The following ANO4 variants were observed in gnomAD, a reference collection of about 807,000 sequenced individuals.
The protein encoded by ANO4 is anoctamin-4.
In ANO4, 69 loss-of-function variants were observed where a neutral mutation model predicts 141.9. That is an observed-to-expected ratio of 0.49 (90% CI 0.40 to 0.59). The LOEUF (loss-of-function observed/expected upper bound fraction) is 0.59. Among genes scored for constraint, ANO4 ranks in the 20% least tolerant of loss-of-function variants. ANO4 has a pLI of 0.00. For synonymous variants in ANO4, 350 were observed against 394.3 expected (o/e 0.89, Z 1.33); for missense variants, 894 against 1,162.2 (o/e 0.77, Z 3.36).
intron 1 of ANO4, among the ~76,000 whole-genome samples, chr12:100,877,980 C>T (rs1392818947): frequency 6.6e-6 from 1 of 150,820 alleles, no homozygotes; most frequent in African/African-American, 2.4e-5. Context: ...ATCCCTTCCC[C>T]TAGTGGCGAG....
chr12:100,974,630 G>T (rs974016041), intron 6 of ANO4, among the ~76,000 whole-genome samples: 2 of 152,094 alleles, frequency 1.3e-5, no homozygotes, highest in Non-Finnish European at 2.9e-5. Context: ...GGTAGAGGAA[G>T]AAATATCAAT....
At position 101,020,644 on chromosome 12, in the gene ANO4, C is replaced by T. The variant is rs566303233; in HGVS notation, c.841+504C>T. 2.0e-5 allele frequency among the ~76,000 whole-genome samples: 3 copies of T among 152,182 alleles called. No individual in the cohort carries two copies. In the East Asian group the frequency reaches 5.8e-4, roughly 29 times the overall value. On this transcript the variant is annotated intron_variant, in intron 9 of 27. Transcript: ENST00000392977. ...TGCTGGGGAACCAGTGTGGGAAGAT[C>T]GAGGGGTAGGGTGTTCCCATGCAGA...
intron 1 of ANO4, among the ~76,000 whole-genome samples, chr12:100,842,478 G>A (rs1453811652): frequency 1.3e-5 from 2 of 151,880 alleles, no homozygotes; most frequent in East Asian, 1.9e-4. Context: ...AGGTAGGTAG[G>A]TTCCTATTTA....
intron 5 of ANO4, among the ~76,000 whole-genome samples, chr12:100,942,950 A>AG (rs1337554504): frequency 1.1e-4 from 16 of 152,196 alleles, no homozygotes; most frequent in Admixed American, 9.8e-4. Flanking sequence ...ATCCTCGTAC[A>AG]CCAGAGGAGA....
chr12:100,773,217 A>T (rs1013607756), intron 3 of ANO4, among the ~76,000 whole-genome samples: 4 of 152,150 alleles, frequency 2.6e-5, no homozygotes, highest in Non-Finnish European at 5.9e-5. Flanking sequence ...GGCCTCTTTG[A>T]TAAAGGCACT....
At chr12:100,830,710 TCTC>T (rs1195125454) in intron 1 of ANO4, among the ~76,000 whole-genome samples, 1 of 152,038 alleles carries the variant, frequency 6.6e-6, no homozygotes, top group Non-Finnish European at 1.5e-5. Flanking sequence ...ACCAGATACT[TCTC>T]CTGCCATCAT....
chr12:101,066,878 G>C (rs1055149305), intron 14 of ANO4: 40 of 1,072,122 alleles, frequency 3.7e-5, no homozygotes, highest in Middle Eastern at 5.9e-4. Context: ...CAAATTTACA[G>C]TGCACACAAA....
intron 15 of ANO4, among the ~76,000 whole-genome samples, chr12:101,083,156 A>G (rs933358665): frequency 1.6e-4 from 24 of 152,224 alleles, no homozygotes; most frequent in African/African-American, 5.5e-4. Flanking sequence ...ATTAAAAAGT[A>G]GATTCACCAT....
At position 100,971,875 on chromosome 12, in the gene ANO4, C is replaced by A. The variant is rs534168247; in HGVS notation, c.557+469C>A. On this transcript the variant is annotated intron_variant, in intron 6 of 27. Coordinates refer to ENST00000392977, the MANE Select transcript of ANO4 (RefSeq NM_001286615.2). The stretch of plus-strand genomic sequence containing the variant: ...CTTTTTAAAAAAAAAACAAAAAAAA[C>A]CACTTTTTTTAATTTTAAAAAGTCA... Among the ~76,000 whole-genome samples the A allele has an allele frequency of 5.4e-4, 82 of 151,414 alleles. 1 individual carries two copies. Among genetic ancestry groups the A allele is most frequent in the South Asian group, 1.9e-3 (9 of 4,790 alleles).
chr12:100,725,491 C>T (rs980050694), intron 1 of ANO4, among the ~76,000 whole-genome samples: 3 of 151,916 alleles, frequency 2.0e-5, no homozygotes, highest in Admixed American at 2.0e-4. Context: ...GGACTACAGG[C>T]GCCCACCACC....
At chr12:100,866,160 C>G (rs1463760168) in intron 1 of ANO4, among the ~76,000 whole-genome samples, 1 of 152,168 alleles carries the variant, frequency 6.6e-6, no homozygotes. Flanking sequence ...TCTTTGTCCT[C>G]TCAGTATATG....
At chr12:100,762,171 T>A (rs2032888811) in intron 3 of ANO4, among the ~76,000 whole-genome samples, 1 of 152,206 alleles carries the variant, frequency 6.6e-6, no homozygotes, top group South Asian at 2.1e-4. Flanking sequence ...GCTTTCCAGA[T>A]GATTCTAAAT....
At chr12:101,100,448 T>C (rs1199283738) in intron 22 of ANO4, among the ~76,000 whole-genome samples, 1 of 152,208 alleles carries the variant, frequency 6.6e-6, no homozygotes, top group East Asian at 1.9e-4. Context: ...GCTTATGTTC[T>C]AAGTATCTAC....
chr12:100,849,561 T>C (rs1036921075), intron 1 of ANO4, among the ~76,000 whole-genome samples: 11 of 152,310 alleles, frequency 7.2e-5, no homozygotes, highest in Admixed American at 6.5e-4. Context: ...AATGAGTGAG[T>C]ACACAAGGAG....
Position 101,097,901 on chromosome 12 carries a change from G to A in ANO4, c.1962G>A (p.Met654Ile), listed in dbSNP as rs149548968. The A allele has an allele frequency of 1.9e-6, 3 of 1,613,676 alleles. No homozygotes were observed. Among genetic ancestry groups the A allele is most frequent in the African/African-American group, 2.7e-5 (2 of 74,884 alleles). ...IDLCMQMGII[M>I]VLKQTWNNFM... Reference sequence around the variant, plus strand: ...TGTGTATGCAAATGGGTATTATAATGGTGCTAAAGCAGACCTGGAATAATT... The same window carrying A: ...TGTGTATGCAAATGGGTATTATAATAGTGCTAAAGCAGACCTGGAATAATT... The change falls in exon 21 of 28, where the codon ATG (methionine) becomes ATA (isoleucine). Residue 654 changes from methionine to isoleucine, a missense_variant. Transcript: ENST00000392977.
At chr12:101,062,973 G>T (rs1246132326) in intron 14 of ANO4, among the ~76,000 whole-genome samples, 1 of 152,234 alleles carries the variant, frequency 6.6e-6, no homozygotes, top group Non-Finnish European at 1.5e-5. Flanking sequence ...CTGCCCAAAA[G>T]GCTGCCCAGC....
At chr12:100,792,652 CAATT>C (rs1219376360), upstream of ANO4, among the ~76,000 whole-genome samples, 1 of 152,104 alleles carries the variant, frequency 6.6e-6, no homozygotes, top group Non-Finnish European at 1.5e-5. Flanking sequence ...TTTTATTGAT[CAATT>C]GTCATATAGA....
chr12:100,733,953 T>C, intron 2 of ANO4: 1 of 612,204 alleles, frequency 1.6e-6, no homozygotes, highest in Non-Finnish European at 2.9e-6. Flanking sequence ...GGGAAGAAAA[T>C]ATAAATGCAT....
intron 2 of ANO4, among the ~76,000 whole-genome samples, chr12:100,911,228 A>G (rs1012412104): frequency 3.9e-5 from 6 of 152,208 alleles, no homozygotes; most frequent in Non-Finnish European, 8.8e-5. Context: ...AAACTAAGGC[A>G]TGAAGAAGGG....
Sources: allele counts gnomAD v4.1 joint callset (sites outside exome capture counted in the v4.1 genomes callset), GRCh38; gene constraint gnomAD v4.1.1; transcripts MANE v1.5; gene names NCBI Gene and HGNC (gene_info 2026-07-23, HGNC 2026-07-21).